The following SLC44A3 variants were observed in gnomAD, a reference collection of about 807,000 sequenced individuals.
SLC44A3 encodes the protein solute carrier family 44 member 3.
A neutral mutation model predicts 75.4 loss-of-function variants in SLC44A3; 74 were observed. The observed-to-expected ratio is 0.98, with a 90% CI of 0.81 to 1.19. The LOEUF (loss-of-function observed/expected upper bound fraction) is 1.19, where lower values mean the gene tolerates loss of function less well. Ranked by LOEUF, SLC44A3 falls within the 50% of genes most tolerant of loss-of-function variation. SLC44A3 has a pLI of 0.00. For synonymous variants in SLC44A3, 310 were observed against 296.9 expected (o/e 1.04, Z -0.45); for missense variants, 700 against 778.6 (o/e 0.90, Z 1.20).
At position 94,857,809 on chromosome 1, in the gene SLC44A3, CTTTT is replaced by C. The variant is rs34204401; in HGVS notation, c.1238+328_1238+331del. On this transcript the variant is annotated intron_variant, in intron 10 of 14. Transcript: ENST00000271227. ...GGGGCTGCTCTGCCTATGGAGTAGC[CTTTT>C]TTTTTTTTTTTTTTTTTTGAGATGG... Among the ~76,000 whole-genome samples, 120 of 64,012 alleles carry C rather than the reference CTTTT, an allele frequency of 1.9e-3. 1 individual carries two copies. Among genetic ancestry groups the C allele is most frequent in the African/African-American group, 5.9e-3 (109 of 18,572 alleles). The allele number at this position is 64,012 out of a possible 152,430, so 42.0% of individuals were successfully genotyped here.
Position 94,891,276 on chromosome 1 carries a change from T to G in SLC44A3, c.1620+9T>G. ...TAATTTTTCTAGGAAAGGTGAGATA[T>G]CTTGACTAAATAAAGGAGCCTGGGA... On this transcript the variant is annotated intron_variant, in intron 13 of 14. Coordinates refer to ENST00000271227, the MANE Select transcript of SLC44A3 (RefSeq NM_001114106.3). 1 of 1,596,368 alleles carries G rather than the reference T, an allele frequency of 6.3e-7. No homozygotes were observed. The highest frequency in any genetic ancestry group is 8.5e-7 in the Non-Finnish European group (1 of 1,173,958).
intron 2 of SLC44A3, 132 bp from the exon 3 acceptor site, chr1:94,824,361 G>A (rs1051720062): frequency 8.0e-5 from 84 of 1,051,116 alleles, no homozygotes; most frequent in East Asian, 1.2e-4. Context: ...TGTTACTGAC[G>A]GAGCAAAGCG....
In SLC44A3 at chr1:94,824,524, G is replaced by T; in HGVS notation, c.167G>T (p.Gly56Val). 1 of 1,610,076 alleles carries T rather than the reference G, an allele frequency of 6.2e-7. No homozygotes were observed. Among genetic ancestry groups the T allele is most frequent in the Non-Finnish European group, 8.5e-7 (1 of 1,178,946 alleles). The change falls in exon 3 of 15, where the codon GGA becomes GTA. Residue 56 changes from glycine to valine, a missense_variant. Physicochemically the swap from Gly to Val is moderately radical, Grantham distance 109. Transcript: ENST00000271227. ...VFIMGYSVVAGAAGRLLFGYD... is the reference protein window; with the variant it reads ...VFIMGYSVVAVAAGRLLFGYD... Reference sequence around the variant, plus strand: ...ATCATGGGCTACTCGGTGGTGGCTGGAGCCGCGGGAAGACTCCTCTTTGGC... The same window carrying T: ...ATCATGGGCTACTCGGTGGTGGCTGTAGCCGCGGGAAGACTCCTCTTTGGC...
intron 5 of SLC44A3, among the ~76,000 whole-genome samples, chr1:94,829,227 G>A (rs1354007225): frequency 2.6e-5 from 4 of 152,074 alleles, no homozygotes; most frequent in East Asian, 1.9e-4. Context: ...AGGTTGCAGT[G>A]AGCCGAGATC....
intron 6 of SLC44A3, 43 bp from the exon 7 acceptor site, chr1:94,839,905 C>A: frequency 7.0e-7 from 1 of 1,425,912 alleles, no homozygotes; most frequent in Non-Finnish European, 9.9e-7. Flanking sequence ...CTCCCCTATC[C>A]TTTGTTGCTA....
chr1:94,867,249 CTG>C, intron 11 of SLC44A3, 80 bp from the exon 12 acceptor site: 2 of 1,255,444 alleles, frequency 1.6e-6, no homozygotes, highest in Non-Finnish European at 2.2e-6. Context: ...TAAGTAAAAA[CTG>C]TGTTTCCTCA....
Position 94,827,639 on chromosome 1 carries a change from C to A in SLC44A3, c.411C>A (p.Thr137=), listed in dbSNP as rs200590733. The change falls in exon 4 of 15, where the codon ACC becomes ACA. Residue 137 remains threonine (T), a synonymous_variant. Transcript: ENST00000271227. ...AAGAGGTCCAGTTCTTTGCAAACAC[C>A]AGTGGTAGGCACTAAGGCCTGGTTT... ...SLEEVQFFAN[T]SGSFLCVYSL... The A allele has an allele frequency of 6.2e-7, 1 of 1,614,118 alleles. No individual in the cohort carries two copies. The highest frequency in any genetic ancestry group is 2.2e-5 in the East Asian group (1 of 44,874).
At chr1:94,857,147 G>A (rs1046069264) in intron 9 of SLC44A3, among the ~76,000 whole-genome samples, 188 bp from the exon 10 acceptor site, 1 of 152,240 alleles carries the variant, frequency 6.6e-6, no homozygotes, top group African/African-American at 2.4e-5. Context: ...CACCGTTGGT[G>A]TTATTTAGAA....
At chr1:94,846,358 A>G (rs528867366) in intron 9 of SLC44A3, among the ~76,000 whole-genome samples, 102 of 152,200 alleles carry the variant, frequency 6.7e-4, no homozygotes, top group African/African-American at 2.3e-3. Context: ...TCAGAGATTG[A>G]TTCACGTGGT....
intron 5 of SLC44A3, among the ~76,000 whole-genome samples, chr1:94,837,452 T>A (rs1662969953): frequency 6.6e-6 from 1 of 152,202 alleles, no homozygotes; most frequent in African/African-American, 2.4e-5. Context: ...TTTTTATTTT[T>A]AAAAATGTTG....
chr1:94,877,464 T>C (rs1668417223), intron 12 of SLC44A3, among the ~76,000 whole-genome samples: 1 of 151,848 alleles, frequency 6.6e-6, no homozygotes, highest in Admixed American at 6.6e-5. Flanking sequence ...ATGGGGAATG[T>C]GGAGAGAAGA....
chr1:94,848,112 C>T (rs528451006), intron 9 of SLC44A3, among the ~76,000 whole-genome samples: 1 of 152,148 alleles, frequency 6.6e-6, no homozygotes, highest in East Asian at 1.9e-4. Context: ...GCCTATAGTC[C>T]CAGCTACTCG....
intron 7 of SLC44A3, among the ~76,000 whole-genome samples, chr1:94,840,590 A>G (rs1663492413): frequency 6.6e-6 from 1 of 152,120 alleles, no homozygotes; most frequent in Non-Finnish European, 1.5e-5. Context: ...ACGTCCAGCC[A>G]TATCTGTAGT....
Position 94,857,467 on chromosome 1 carries a change from T to C in SLC44A3, c.1205T>C (p.Ile402Thr), listed in dbSNP as rs1017719838. 1.2e-6 allele frequency: 2 copies of C among 1,613,280 alleles called. No homozygotes were observed. Among genetic ancestry groups the C allele is most frequent in the Non-Finnish European group, 8.5e-7 (1 of 1,179,812 alleles). ...EFILACQQMT[I>T]AGAVVTCYFN... ...ATCCTTGCGTGCCAGCAAATGACTATAGCTGGGGCAGTGGTTACTTGTTAT... is the reference window on the plus strand; with the variant it reads ...ATCCTTGCGTGCCAGCAAATGACTACAGCTGGGGCAGTGGTTACTTGTTAT... Residue 402 changes from isoleucine (I) to threonine (T), a missense_variant, in exon 10 of 15, where the codon ATA becomes ACA. By Grantham distance (89) the Ile-to-Thr change is moderately conservative (BLOSUM62 -1). Transcript: ENST00000271227.
chr1:94,828,210 G>T (rs559249359), intron 4 of SLC44A3, among the ~76,000 whole-genome samples: 9 of 152,262 alleles, frequency 5.9e-5, no homozygotes, highest in African/African-American at 1.7e-4. Flanking sequence ...TGCAAAGCCA[G>T]GTTTAAACTA....
At chr1:94,849,270 C>T (rs1001189151) in intron 9 of SLC44A3, among the ~76,000 whole-genome samples, 3 of 152,158 alleles carry the variant, frequency 2.0e-5, no homozygotes, top group African/African-American at 7.2e-5. Flanking sequence ...AAACTGGGTG[C>T]CCCGGACCTA....
At chr1:94,829,294 A>AAAG (rs142809613) in intron 5 of SLC44A3, among the ~76,000 whole-genome samples, 81,776 of 151,108 alleles carry the variant, frequency 0.54, 22,190 homozygotes, top group East Asian at 0.69. Flanking sequence ...AAAAAAAAAG[A>AAAG]AAATCGTTTA....
intron 12 of SLC44A3, among the ~76,000 whole-genome samples, chr1:94,884,661 T>C (rs554787021): frequency 1.1e-4 from 17 of 152,270 alleles, no homozygotes; most frequent in African/African-American, 3.9e-4. Flanking sequence ...AGGGAAACTC[T>C]GTTTACCTTT....
At chr1:94,864,973 C>G in intron 11 of SLC44A3, 74 bp downstream of exon 11, 2 of 1,517,884 alleles carry the variant, frequency 1.3e-6, no homozygotes, top group Non-Finnish European at 1.8e-6. Flanking sequence ...AAAACTACAG[C>G]AGGTCCCAGG....
Sources: allele counts gnomAD v4.1 joint callset (sites outside exome capture counted in the v4.1 genomes callset), GRCh38; gene constraint gnomAD v4.1.1; transcripts MANE v1.5; gene names NCBI Gene and HGNC (gene_info 2026-07-23, HGNC 2026-07-21).